GLRA1: variants seen among roughly 807,000 people sequenced by gnomAD.
GLRA1 encodes the protein glycine receptor subunit alpha-1.
In GLRA1, 37 loss-of-function variants were observed where a neutral mutation model predicts 48.3. The observed-to-expected ratio is 0.77, with a 90% CI of 0.59 to 1.01. The LOEUF is 1.01. Ranked by LOEUF, GLRA1 falls within the 50% of genes least tolerant of loss-of-function variation. GLRA1 has a pLI of 0.00. For synonymous variants in GLRA1, 196 were observed against 210.7 expected (o/e 0.93, Z 0.60); for missense variants, 427 against 571.0 (o/e 0.75, Z 2.57).
At chr5:151,824,895 A>G (rs1763232793) in intron 8 of GLRA1, among the ~76,000 whole-genome samples, 1 of 152,188 alleles carries the variant, frequency 6.6e-6, no homozygotes, top group Non-Finnish European at 1.5e-5. Flanking sequence ...AAAACTTGGT[A>G]TATGTTTGTT....
chr5:151,869,528 A>G (rs1048513641), intron 3 of GLRA1, among the ~76,000 whole-genome samples: 8 of 151,576 alleles, frequency 5.3e-5, no homozygotes, highest in Non-Finnish European at 1.0e-4. Context: ...AGCCTGGCCA[A>G]CATGGCGAAA....
At chr5:151,838,293 C>T (rs1763625450) in intron 7 of GLRA1, among the ~76,000 whole-genome samples, 1 of 152,010 alleles carries the variant, frequency 6.6e-6, no homozygotes, top group African/African-American at 2.4e-5. Flanking sequence ...CATGGTGAAA[C>T]CTCGTCTCTA....
At chr5:151,852,575 C>T (rs759978506) in intron 6 of GLRA1, among the ~76,000 whole-genome samples, 8 of 152,322 alleles carry the variant, frequency 5.3e-5, no homozygotes, top group Non-Finnish European at 1.0e-4. Flanking sequence ...AGCACAATAG[C>T]GAATTTCCTG....
At chr5:151,885,878 G>A (rs915006211) in intron 3 of GLRA1, among the ~76,000 whole-genome samples, 4 of 152,146 alleles carry the variant, frequency 2.6e-5, no homozygotes, top group African/African-American at 9.7e-5. Flanking sequence ...CTGGAAGGGG[G>A]CAAGTTGGAA....
intron 1 of GLRA1, among the ~76,000 whole-genome samples, chr5:151,902,540 C>T (rs1366987850): frequency 6.6e-6 from 1 of 152,018 alleles, no homozygotes; most frequent in African/African-American, 2.4e-5. Flanking sequence ...AATAAACTTT[C>T]ATTTCTCAGG....
intron 3 of GLRA1, among the ~76,000 whole-genome samples, chr5:151,878,887 G>A (rs1171729255): frequency 6.6e-6 from 1 of 152,242 alleles, no homozygotes; most frequent in East Asian, 1.9e-4. Context: ...TGCTAGGGCA[G>A]TGCAGAAGGG....
intron 3 of GLRA1, among the ~76,000 whole-genome samples, chr5:151,872,528 G>A (rs1003356580): frequency 3.3e-5 from 5 of 149,984 alleles, no homozygotes; most frequent in Non-Finnish European, 7.4e-5. Context: ...TTTCATTAAA[G>A]CAATTCTACT....
chr5:151,917,625 A>G (rs911776277), intron 1 of GLRA1, among the ~76,000 whole-genome samples: 2 of 152,194 alleles, frequency 1.3e-5, no homozygotes, highest in Non-Finnish European at 2.9e-5. Context: ...TGTTATTTGC[A>G]GTAAGAATAC....
intron 7 of GLRA1, among the ~76,000 whole-genome samples, chr5:151,847,908 T>TAA (rs992180588): frequency 6.6e-6 from 1 of 152,154 alleles, no homozygotes; most frequent in African/African-American, 2.4e-5. Context: ...GTGTCTAGCA[T>TAA]AAGGGTGAAT....
intron 7 of GLRA1, among the ~76,000 whole-genome samples, chr5:151,848,659 A>G (rs903592871): frequency 6.6e-6 from 1 of 152,212 alleles, no homozygotes; most frequent in Non-Finnish European, 1.5e-5. Flanking sequence ...AAGCCTGCAC[A>G]TGGATTCCTC....
At chr5:151,860,111 GTTA>G (rs1199259888) in intron 3 of GLRA1, 103 bp from the exon 4 acceptor site, 5 of 791,732 alleles carry the variant, frequency 6.3e-6, no homozygotes, top group African/African-American at 1.7e-5. Context: ...TCTGGAGGAT[GTTA>G]TTAAGTGTGG....
At chr5:151,919,886 T>A (rs1256505911) in intron 1 of GLRA1, among the ~76,000 whole-genome samples, 3 of 152,248 alleles carry the variant, frequency 2.0e-5, no homozygotes, top group Non-Finnish European at 4.4e-5. Context: ...AAAATCATGC[T>A]GGCTTCTGCC....
chr5:151,849,066 AT>A (rs1380226297), intron 7 of GLRA1: 1 of 416,248 alleles, frequency 2.4e-6, no homozygotes, highest in Non-Finnish European at 4.5e-6. Context: ...CCTGAGTGGG[AT>A]TTCTTTCTTT....
intron 1 of GLRA1, among the ~76,000 whole-genome samples, chr5:151,898,016 C>G (rs1315626734): frequency 6.6e-6 from 1 of 152,082 alleles, no homozygotes; most frequent in East Asian, 1.9e-4. Flanking sequence ...ATGACAGAGA[C>G]CATGCAAAGC....
At chr5:151,844,652 A>AAG (rs1438476341) in intron 7 of GLRA1, among the ~76,000 whole-genome samples, 3 of 150,880 alleles carry the variant, frequency 2.0e-5, no homozygotes, top group African/African-American at 7.3e-5. Context: ...GAAAAAGAAA[A>AAG]AAAAAGACAC....
chr5:151,868,296 G>C (rs972532764), intron 3 of GLRA1, among the ~76,000 whole-genome samples: 6 of 152,208 alleles, frequency 3.9e-5, no homozygotes, highest in African/African-American at 1.4e-4. Flanking sequence ...CCTGCTGCTA[G>C]TTACTGGTAA....
At chr5:151,849,104 T>C (rs553400702) in intron 7 of GLRA1, 1 of 114,848 alleles carries the variant, frequency 8.7e-6, no homozygotes, top group Non-Finnish European at 1.6e-5. Context: ...ATTTCTTTTC[T>C]TTTCTTTCTT....
intron 2 of GLRA1, among the ~76,000 whole-genome samples, chr5:151,891,896 A>T (rs938606333): frequency 6.6e-6 from 1 of 152,092 alleles, no homozygotes; most frequent in Non-Finnish European, 1.5e-5. Context: ...TATGTTTAAA[A>T]GCTGCCAAAG....
chr5:151,893,302 TTCTTTC>T (rs1259442806), intron 1 of GLRA1, among the ~76,000 whole-genome samples: 1 of 136,044 alleles, frequency 7.4e-6, no homozygotes, highest in East Asian at 2.2e-4. Flanking sequence ...CTTTCTTTCT[TTCTTTC>T]TTTCTTTCTT....
Sources: allele counts gnomAD v4.1 joint callset (sites outside exome capture counted in the v4.1 genomes callset), GRCh38; gene constraint gnomAD v4.1.1; transcripts MANE v1.5; gene names NCBI Gene and HGNC (gene_info 2026-07-23, HGNC 2026-07-21).